The following ELF2 variants were observed in gnomAD, a reference collection of about 807,000 sequenced individuals.
ELF2 encodes the protein E74 like ETS transcription factor 2.
ELF2 carries 11 observed loss-of-function variants against 54.8 expected under a neutral mutation model. The ratio of observed to expected loss-of-function variants is 0.20; its 90% CI spans 0.13 to 0.33. ELF2 has a LOEUF of 0.33. Among genes scored for constraint, ELF2 ranks in the 10% least tolerant of loss-of-function variants. The pLI, the probability that ELF2 is intolerant of heterozygous loss-of-function variation, is 1.00. For missense variants in ELF2, 513 were observed against 703.0 expected, an observed-to-expected ratio of 0.73 and a Z score of 3.06; for synonymous variants, 203 against 245.1, an observed-to-expected ratio of 0.83 and a Z score of 1.61.
At chr4:139,075,168 C>T (rs978708540) in intron 4 of ELF2, among the ~76,000 whole-genome samples, 1 of 152,212 alleles carries the variant, frequency 6.6e-6, no homozygotes, top group Non-Finnish European at 1.5e-5. Flanking sequence ...TTATGCTTTG[C>T]TGATTATGTT....
chr4:139,098,108 T>C (rs1389470849), intron 4 of ELF2, among the ~76,000 whole-genome samples: 2 of 152,254 alleles, frequency 1.3e-5, no homozygotes, highest in Non-Finnish European at 2.9e-5. Flanking sequence ...AAGTTTCTAT[T>C]AGGTTAGGTA....
rs892785935 is a variant in ELF2, at chr4:139,058,399, A to ATATG, written c.*580_*583dup. 2.9e-5 allele frequency: 3 copies of ATATG among 103,212 alleles called. No homozygotes were observed. The highest frequency in any genetic ancestry group is 5.9e-5 in the Non-Finnish European group (3 of 50,548). The allele number at this position is 103,212 out of a possible 1,614,324, so 6.4% of individuals were successfully genotyped here. On this transcript the variant is annotated 3_prime_UTR_variant, in exon 10 of 10. Transcript: ENST00000686138. ...TCAGCTTAAGCTATATGATATATAT[A>ATATG]TATGTATGTATATATATATATATAT...
intron 4 of ELF2, among the ~76,000 whole-genome samples, chr4:139,087,342 T>G (rs924475667): frequency 6.6e-6 from 1 of 152,218 alleles, no homozygotes; most frequent in African/African-American, 2.4e-5. Flanking sequence ...CATCAACTCC[T>G]TGCCTCAAGC....
chr4:139,174,206 T>TAAA (rs1222397912), intron 1 of ELF2, among the ~76,000 whole-genome samples: 19 of 93,992 alleles, frequency 2.0e-4, no homozygotes, highest in African/African-American at 7.5e-4. Flanking sequence ...GACTCCATCT[T>TAAA]AAAAAAAAAA....
At chr4:139,061,345 T>C (rs987772249) in intron 8 of ELF2, among the ~76,000 whole-genome samples, 6 of 152,052 alleles carry the variant, frequency 3.9e-5, no homozygotes, top group Admixed American at 2.6e-4. Context: ...CGGCTAATTT[T>C]TGTATTTTTA....
In ELF2 at chr4:139,118,866, T is replaced by A. The variant is rs545276397; in HGVS notation, c.238+6298A>T. On this transcript the variant is annotated intron_variant, in intron 4 of 9. Transcript: ENST00000686138. ...TGCTTTATGTATTTATTTTATGTAA[T>A]CTTCACAACCCTGAATTCCTATTTT... Among the ~76,000 whole-genome samples the A allele has an allele frequency of 6.6e-5, 10 of 152,318 alleles. No homozygotes were observed. In the South Asian group the frequency reaches 2.1e-3, roughly 32 times the overall value.
chr4:139,067,157 G>A (rs1416799179), intron 7 of ELF2: 1 of 152,060 alleles, frequency 6.6e-6, no homozygotes, highest in African/African-American at 2.4e-5. Context: ...CAGGCATGGT[G>A]GCATGTGCCT....
chr4:139,103,443 T>C (rs968182759), intron 4 of ELF2, among the ~76,000 whole-genome samples: 3 of 152,178 alleles, frequency 2.0e-5, no homozygotes, highest in East Asian at 1.9e-4. Context: ...CAACCACCAA[T>C]AGCCAATGAC....
chr4:139,080,740 A>G (rs1730989815), intron 4 of ELF2, among the ~76,000 whole-genome samples: 1 of 152,152 alleles, frequency 6.6e-6, no homozygotes, highest in Admixed American at 6.5e-5. Context: ...ACAATGCTAG[A>G]CATTTGTTTT....
At chr4:139,118,823 ACT>A (rs1279628635) in intron 4 of ELF2, among the ~76,000 whole-genome samples, 2 of 152,162 alleles carry the variant, frequency 1.3e-5, no homozygotes, top group Admixed American at 1.3e-4. Flanking sequence ...AGTTAAAGAA[ACT>A]CTGTCACAAG....
chr4:139,087,455 T>C, intron 4 of ELF2, among the ~76,000 whole-genome samples: 1 of 152,142 alleles, frequency 6.6e-6, no homozygotes, highest in Non-Finnish European at 1.5e-5. Context: ...ACAAACACGT[T>C]TTTTTGTTTT....
intron 8 of ELF2, among the ~76,000 whole-genome samples, chr4:139,061,300 G>A (rs1181201322): frequency 3.3e-5 from 5 of 150,796 alleles, no homozygotes; most frequent in African/African-American, 9.8e-5. Context: ...TCAGCCTCCC[G>A]AATAGCTGGG....
Position 139,058,407 on chromosome 4 carries a change from GTATATATA to G in ELF2, c.*568_*575del, listed in dbSNP as rs113800639. The G allele has an allele frequency of 2.1e-5, 3 of 142,160 alleles. No homozygotes were observed. The highest frequency in any genetic ancestry group is 4.6e-5 in the Non-Finnish European group (3 of 65,406). The allele number at this position is 142,160 out of a possible 1,614,324, so 8.8% of individuals were successfully genotyped here. A position where few individuals can be genotyped will look rare whatever the true frequency, so the allele number is the denominator to read the frequency against. On this transcript the variant is annotated 3_prime_UTR_variant, in exon 10 of 10. Transcript: ENST00000686138. Reference sequence around the variant, plus strand: ...AGCTATATGATATATATATATGTATGTATATATATATATATATATATATAAAATCGCAC... The same window carrying G: ...AGCTATATGATATATATATATGTATGTATATATATATATATAAAATCGCAC...
chr4:139,072,455 G>A (rs1729651559), intron 5 of ELF2, among the ~76,000 whole-genome samples: 1 of 152,144 alleles, frequency 6.6e-6, no homozygotes, highest in African/African-American at 2.4e-5. Context: ...TATGCATGTG[G>A]CTCAAAATGT....
At chr4:139,115,013 AAC>A in intron 4 of ELF2, 4 of 1,613,800 alleles carry the variant, frequency 2.5e-6, no homozygotes, top group Non-Finnish European at 3.4e-6. Flanking sequence ...GTGGGTTTGT[AAC>A]AGTCAACCAG....
At chr4:139,121,624 A>C (rs912661387) in intron 4 of ELF2, among the ~76,000 whole-genome samples, 6 of 152,068 alleles carry the variant, frequency 3.9e-5, no homozygotes, top group African/African-American at 1.4e-4. Context: ...ATACCAGTCT[A>C]TCCAGCAGGC....
chr4:139,159,869 T>G (rs930336336), intron 1 of ELF2, among the ~76,000 whole-genome samples: 1 of 151,894 alleles, frequency 6.6e-6, no homozygotes, highest in Non-Finnish European at 1.5e-5. Flanking sequence ...TCTGCCCATA[T>G]AACAGCATGG....
chr4:139,154,573 A>AT (rs778374198), intron 1 of ELF2, among the ~76,000 whole-genome samples: 16 of 151,518 alleles, frequency 1.1e-4, no homozygotes, highest in Non-Finnish European at 2.1e-4. Context: ...AGCTACAACA[A>AT]TTAAAAAAAA....
intron 1 of ELF2, among the ~76,000 whole-genome samples, chr4:139,160,258 C>T (rs2148899270): frequency 6.6e-6 from 1 of 152,296 alleles, no homozygotes; most frequent in Non-Finnish European, 1.5e-5. Flanking sequence ...TTCTCAGATG[C>T]CAGCCAATGG....
Sources: gnomAD v4.1 joint callset for allele counts (sites outside exome capture counted in the v4.1 genomes callset) on GRCh38, gnomAD v4.1.1 for gene constraint, MANE v1.5 for transcripts, NCBI Gene and HGNC (gene_info 2026-07-23, HGNC 2026-07-21) for gene names.